Variants in BCL2L13 observed in about 807,000 individuals in gnomAD.
BCL2L13 encodes bcl-2-like protein 13.
In BCL2L13, 13 loss-of-function variants were observed where a neutral mutation model predicts 25.8. The observed-to-expected ratio is 0.50, with a 90% CI of 0.33 to 0.80. The LOEUF (loss-of-function observed/expected upper bound fraction) is 0.80, where lower values mean the gene tolerates loss of function less well. Among genes scored for constraint, BCL2L13 ranks in the 30% least tolerant of loss-of-function variants. The pLI is 0.02. For synonymous variants in BCL2L13, 244 were observed against 230.3 expected (o/e 1.06, Z -0.54); for missense variants, 504 against 574.9 (o/e 0.88, Z 1.26).
chr22:17,678,590 C>T (rs967924860), intron 2 of BCL2L13, among the ~76,000 whole-genome samples: 1 of 152,142 alleles, frequency 6.6e-6, no homozygotes, highest in Non-Finnish European at 1.5e-5. Flanking sequence ...TCAAATGGAA[C>T]TATTATTTCA....
intron 6 of BCL2L13, among the ~76,000 whole-genome samples, chr22:17,713,285 CTAGT>C (rs1480820887): frequency 1.3e-5 from 2 of 152,080 alleles, no homozygotes; most frequent in Non-Finnish European, 2.9e-5. Context: ...TCTGTACGTA[CTAGT>C]TAAACACACC....
At chr22:17,685,760 CTTTTTTTTTTTTTTTTTTT>C (rs1166792513) in intron 3 of BCL2L13, among the ~76,000 whole-genome samples, 1 of 60,520 alleles carries the variant, frequency 1.7e-5, no homozygotes, top group Non-Finnish European at 3.0e-5. Flanking sequence ...TTTTCTTTTT[CTTTTTTTTTTTTTTTTTTT>C]TTTTTTTTTT....
upstream of BCL2L13, among the ~76,000 whole-genome samples, chr22:17,635,241 A>C (rs2058085887): frequency 6.6e-6 from 1 of 151,892 alleles, no homozygotes; most frequent in South Asian, 2.1e-4. Flanking sequence ...AAAACTAAAA[A>C]ATTAAATAAA....
At chr22:17,637,835 ATAGCCTT>A (rs2058139304), upstream of BCL2L13, among the ~76,000 whole-genome samples, 1 of 152,188 alleles carries the variant, frequency 6.6e-6, no homozygotes, top group Non-Finnish European at 1.5e-5. Context: ...TTCCTTTAGA[ATAGCCTT>A]GTTGAGATAT....
chr22:17,727,604 AG>A lies in BCL2L13; in HGVS notation c.*71del. 1 of 1,575,124 alleles carries A rather than the reference AG, an allele frequency of 6.3e-7. No homozygotes were observed. The highest frequency in any genetic ancestry group is 8.6e-7 in the Non-Finnish European group (1 of 1,159,930). ...TGTATTGGCTGGAATTTGAACCTCC[AG>A]CAGCTGTCTGGACATTTGTGGAACA... On this transcript the variant is annotated 3_prime_UTR_variant, in exon 7 of 7. Transcript: ENST00000317582.
chr22:17,717,274 T>G (rs1197008516), intron 6 of BCL2L13, among the ~76,000 whole-genome samples: 2 of 151,446 alleles, frequency 1.3e-5, no homozygotes, highest in Non-Finnish European at 2.9e-5. Context: ...TCAAAACCAG[T>G]GTGGCTGACG....
Position 17,727,563 on chromosome 22 carries a change from G to C in BCL2L13, c.*29G>C. ...GCTTTTCAGAAGAGAAAGACAGAAGGATGTAAGGTTGGAGTTGTATTGGCT... is the reference window on the plus strand; with the variant it reads ...GCTTTTCAGAAGAGAAAGACAGAAGCATGTAAGGTTGGAGTTGTATTGGCT... On this transcript the variant is annotated 3_prime_UTR_variant, in exon 7 of 7. Transcript: ENST00000317582. 6.2e-7 allele frequency: 1 copy of C among 1,609,408 alleles called. No homozygotes were observed. The highest frequency in any genetic ancestry group is 8.5e-7 in the Non-Finnish European group (1 of 1,177,334).
At chr22:17,684,277 T>G (rs1397253852) in intron 3 of BCL2L13, among the ~76,000 whole-genome samples, 1 of 152,018 alleles carries the variant, frequency 6.6e-6, no homozygotes, top group Non-Finnish European at 1.5e-5. Flanking sequence ...AAAACCACAC[T>G]GGGCAACATA....
At chr22:17,647,188 C>A (rs1044823118) in intron 1 of BCL2L13, among the ~76,000 whole-genome samples, 1 of 151,488 alleles carries the variant, frequency 6.6e-6, no homozygotes, top group Non-Finnish European at 1.5e-5. Context: ...GTTAGCCAGG[C>A]TGGTTTCGAT....
At chr22:17,639,011 T>A in intron 1 of BCL2L13, 125 bp downstream of exon 1, 2 of 740,698 alleles carry the variant, frequency 2.7e-6, no homozygotes, top group Non-Finnish European at 3.7e-6. Context: ...CGCGTGAGTT[T>A]GAGTGTGTGT....
intron 6 of BCL2L13, among the ~76,000 whole-genome samples, chr22:17,710,770 G>A (rs1488981776): frequency 1.3e-5 from 2 of 151,162 alleles, no homozygotes; most frequent in East Asian, 2.0e-4. Context: ...CCAGCTACTC[G>A]GGAGGCTGAG....
At chr22:17,685,760 C>CTGTTTTTTTT (rs2059911476) in intron 3 of BCL2L13, among the ~76,000 whole-genome samples, 1 of 60,520 alleles carries the variant, frequency 1.7e-5, no homozygotes, top group African/African-American at 6.3e-5. Context: ...TTTTCTTTTT[C>CTGTTTTTTTT]TTTTTTTTTT....
At chr22:17,656,113 C>T (rs2587071) in intron 2 of BCL2L13, among the ~76,000 whole-genome samples, 21,088 of 150,954 alleles carry the variant, frequency 0.14, 2,018 homozygotes, top group Non-Finnish European at 0.21. Context: ...TGGTGGCATG[C>T]GCCTGTAGTC....
intron 1 of BCL2L13, among the ~76,000 whole-genome samples, chr22:17,646,955 A>ATATTTTTTTT (rs768488873): frequency 8.6e-4 from 19 of 22,184 alleles, no homozygotes; most frequent in East Asian, 5.5e-3. Flanking sequence ...ATATATATAT[A>ATATTTTTTTT]TTTTTTTTTT....
chr22:17,727,122 T>G lies in BCL2L13; in HGVS notation c.1046T>G (p.Ile349Ser), dbSNP rs377062475. The G allele has an allele frequency of 2.5e-6, 4 of 1,614,048 alleles. No individual in the cohort carries two copies. In the African/African-American group the frequency reaches 4.0e-5, roughly 16 times the overall value. The change falls in exon 7 of 7, where the codon ATC (isoleucine) becomes AGC (serine). Residue 349 changes from isoleucine to serine, a missense_variant. By Grantham distance (142) the Ile-to-Ser change is moderately radical. Transcript: ENST00000317582. The stretch of plus-strand genomic sequence containing the variant: ...GCCCCAGCTCCCTTGCTTCCACATA[T>G]CACTGCCACCTCCCTGCTGGGGACA... ...PEAPAPLLPH[I>S]TATSLLGTRE...
chr22:17,695,960 A>AT, intron 4 of BCL2L13, 181 bp from the exon 5 acceptor site: 1 of 525,088 alleles, frequency 1.9e-6, no homozygotes, highest in Non-Finnish European at 3.5e-6. Context: ...ATCACAGCTT[A>AT]TAGAATGCTT....
intron 2 of BCL2L13, among the ~76,000 whole-genome samples, chr22:17,667,038 T>C (rs1199553462): frequency 6.6e-6 from 1 of 152,178 alleles, no homozygotes; most frequent in Non-Finnish European, 1.5e-5. Context: ...CATTCATCTG[T>C]TCATGGACAC....
chr22:17,710,001 TC>T lies in BCL2L13; in HGVS notation c.600+7616del, dbSNP rs1320099766. On this transcript the variant is annotated intron_variant, in intron 6 of 6. Coordinates refer to ENST00000317582, the MANE Select transcript of BCL2L13 (RefSeq NM_015367.4). ...AGGAGGATCACTTGAGCCTGGGAGG[TC>T]AAGGCTGCAGTAAGCCAAGATTGCG... 3.1e-5 allele frequency among the ~76,000 whole-genome samples: 4 copies of T among 130,318 alleles called. No individual in the cohort carries two copies. In the Admixed American group the frequency reaches 3.8e-4, roughly 12 times the overall value. 85.5% of individuals were successfully genotyped at this position (130,318 alleles called of 152,430 possible).
At chr22:17,633,520 C>T (rs922707760) in intron 1 of BCL2L13, among the ~76,000 whole-genome samples, 1 of 152,150 alleles carries the variant, frequency 6.6e-6, no homozygotes, top group Non-Finnish European at 1.5e-5. Context: ...ACCAAAGTCA[C>T]TGGCCTAGAT....
Sources: gnomAD v4.1 joint callset for allele counts (sites outside exome capture counted in the v4.1 genomes callset) on GRCh38, gnomAD v4.1.1 for gene constraint, MANE v1.5 for transcripts, NCBI Gene and HGNC (gene_info 2026-07-23, HGNC 2026-07-21) for gene names.